SDC3: variants seen among roughly 807,000 people sequenced by gnomAD.
SDC3 encodes syndecan-3.
SDC3 carries 13 observed loss-of-function variants against 24.4 expected under a neutral mutation model. That is an observed-to-expected ratio of 0.53 (90% CI 0.35 to 0.85). SDC3 has a LOEUF of 0.85. Among genes scored for constraint, SDC3 ranks in the 40% least tolerant of loss-of-function variants. The pLI is 0.01. For synonymous variants in SDC3, 295 were observed against 260.9 expected, an observed-to-expected ratio of 1.13 and a Z score of -1.26; for missense variants, 571 against 584.5, an observed-to-expected ratio of 0.98 and a Z score of 0.24.
At chr1:30,883,998 T>C (rs1639783403) in intron 1 of SDC3, among the ~76,000 whole-genome samples, 1 of 152,062 alleles carries the variant, frequency 6.6e-6, no homozygotes, top group South Asian at 2.1e-4. Flanking sequence ...ACCGCAGGAA[T>C]GTGGGCTGGG....
At chr1:30,894,567 T>C (rs1639969900) in intron 1 of SDC3, among the ~76,000 whole-genome samples, 1 of 136,728 alleles carries the variant, frequency 7.3e-6, no homozygotes. Flanking sequence ...GGTGAGAGTG[T>C]GTGGGTGTAT....
At position 30,878,611 on chromosome 1, in the gene SDC3, G is replaced by C. The variant is rs758070733; in HGVS notation, c.256+12C>G. 2.6e-5 allele frequency: 41 copies of C among 1,601,566 alleles called. 1 individual carries two copies. In the South Asian group the frequency reaches 4.0e-4, roughly 15 times the overall value. On this transcript the variant is annotated intron_variant, in intron 2 of 4. Transcript: ENST00000339394. Reference sequence around the variant, plus strand: ...ACTGCCCCCAGGCAGAGGTAGGGAGGGGGGTACTTACAGCCCGAGCCCGAC... The same window carrying C: ...ACTGCCCCCAGGCAGAGGTAGGGAGCGGGGTACTTACAGCCCGAGCCCGAC...
At chr1:30,901,162 AGCCCCTCAAG>A (rs1472867012) in intron 1 of SDC3, among the ~76,000 whole-genome samples, 1 of 152,180 alleles carries the variant, frequency 6.6e-6, no homozygotes, top group Non-Finnish European at 1.5e-5. Flanking sequence ...GAATCCCACC[AGCCCCTCAAG>A]AGTGGTGGGA....
Position 30,872,805 on chromosome 1 carries a change from G to A in SDC3, c.*406C>T, listed in dbSNP as rs1557511656. On this transcript the variant is annotated 3_prime_UTR_variant, in exon 5 of 5. Coordinates refer to ENST00000339394, the MANE Select transcript of SDC3 (RefSeq NM_014654.4). ...TACCAAATGTTTGTCCTGGAAACCA[G>A]CCTGAGTGCCTCTCTGCCCCAAAAA... 2 of 206,454 alleles carry A rather than the reference G, an allele frequency of 9.7e-6. No individual in the cohort carries two copies. The highest frequency in any genetic ancestry group is 4.6e-5 in the African/African-American group (2 of 43,524). 12.8% of individuals were successfully genotyped at this position (206,454 alleles called of 1,614,324 possible).
intron 1 of SDC3, among the ~76,000 whole-genome samples, chr1:30,899,338 G>T (rs1205750738): frequency 6.6e-6 from 1 of 152,142 alleles, no homozygotes; most frequent in Non-Finnish European, 1.5e-5. Context: ...GCTCGCCTCG[G>T]CCTCCCAAAG....
At chr1:30,904,578 G>A (rs1194652325) in intron 1 of SDC3, among the ~76,000 whole-genome samples, 3 of 151,974 alleles carry the variant, frequency 2.0e-5, no homozygotes, top group Non-Finnish European at 4.4e-5. Flanking sequence ...GAGGCATTGT[G>A]CTCACTCCTC....
intron 1 of SDC3, among the ~76,000 whole-genome samples, chr1:30,896,983 G>A (rs985455528): frequency 5.9e-5 from 9 of 152,120 alleles, no homozygotes; most frequent in East Asian, 1.9e-4. Flanking sequence ...AAACAGGAGC[G>A]TGGGAAGGCA....
chr1:30,898,751 C>A (rs1305423122), intron 1 of SDC3, among the ~76,000 whole-genome samples: 2 of 152,196 alleles, frequency 1.3e-5, no homozygotes, highest in Non-Finnish European at 2.9e-5. Context: ...GGCCTCAGGT[C>A]TTTCTGATAG....
At chr1:30,883,736 C>T (rs528427625) in intron 1 of SDC3, among the ~76,000 whole-genome samples, 41 of 152,202 alleles carry the variant, frequency 2.7e-4, no homozygotes, top group African/African-American at 9.9e-4. Flanking sequence ...AACTGAGGCA[C>T]AGAGAGGGGA....
At chr1:30,908,038 G>A (rs897977125) in intron 1 of SDC3, among the ~76,000 whole-genome samples, 6 of 152,170 alleles carry the variant, frequency 3.9e-5, no homozygotes, top group Non-Finnish European at 8.8e-5. Flanking sequence ...TCCTTCTCGC[G>A]CCTCCCAGGC....
At chr1:30,884,864 G>C (rs1466549417) in intron 1 of SDC3, among the ~76,000 whole-genome samples, 1 of 152,150 alleles carries the variant, frequency 6.6e-6, no homozygotes, top group Non-Finnish European at 1.5e-5. Flanking sequence ...GAACGACAGG[G>C]GACGAGTTAA....
In SDC3 at chr1:30,870,365, C is replaced by A. The variant is rs1639513010; in HGVS notation, c.*2846G>T. ...GCTCTGGCAGCCAAGGCCCCAGAGGCTCTCAAGCCACAGAAGCTCCCTCTC... is the reference window on the plus strand; with the variant it reads ...GCTCTGGCAGCCAAGGCCCCAGAGGATCTCAAGCCACAGAAGCTCCCTCTC... On this transcript the variant is annotated 3_prime_UTR_variant, in exon 5 of 5. Coordinates refer to ENST00000339394, the MANE Select transcript of SDC3 (RefSeq NM_014654.4). 6.4e-6 allele frequency: 1 copy of A among 156,668 alleles called. No individual in the cohort carries two copies. The highest frequency in any genetic ancestry group is 2.4e-5 in the African/African-American group (1 of 41,664). 9.7% of individuals were successfully genotyped at this position (156,668 alleles called of 1,614,324 possible).
chr1:30,875,599 C>T (rs997622312), intron 3 of SDC3, among the ~76,000 whole-genome samples: 6 of 152,172 alleles, frequency 3.9e-5, no homozygotes, highest in Non-Finnish European at 1.5e-5. Flanking sequence ...ACTTAGTGCA[C>T]CCAGCTGGGA....
chr1:30,896,853 C>T (rs140388825), intron 1 of SDC3, among the ~76,000 whole-genome samples: 13 of 152,298 alleles, frequency 8.5e-5, no homozygotes, highest in African/African-American at 1.9e-4. Context: ...GTTCCAGCTA[C>T]TCAGGAGGCT....
chr1:30,907,758 C>T (rs970741933), intron 1 of SDC3, among the ~76,000 whole-genome samples: 1 of 152,212 alleles, frequency 6.6e-6, no homozygotes, highest in Non-Finnish European at 1.5e-5. Context: ...CACGCCCACA[C>T]ACGCCCACAC....
At position 30,872,652 on chromosome 1, in the gene SDC3, T is replaced by A. The variant is rs1403200428; in HGVS notation, c.*559A>T. The A allele has an allele frequency of 6.5e-6, 1 of 153,474 alleles. No homozygotes were observed. The highest frequency in any genetic ancestry group is 1.5e-5 in the Non-Finnish European group (1 of 68,948). 9.5% of individuals were successfully genotyped at this position (153,474 alleles called of 1,614,324 possible). A position where few individuals can be genotyped will look rare whatever the true frequency, so the allele number is the denominator to read the frequency against. On this transcript the variant is annotated 3_prime_UTR_variant, in exon 5 of 5. Transcript: ENST00000339394. ...TGTACTTGGCAGGCAAGAGGAGAGATTCAACAACCCCAGAGAGACCAGGAC... is the reference window on the plus strand; with the variant it reads ...TGTACTTGGCAGGCAAGAGGAGAGAATCAACAACCCCAGAGAGACCAGGAC...
At chr1:30,906,810 G>C (rs1283183165) in intron 1 of SDC3, among the ~76,000 whole-genome samples, 1 of 152,220 alleles carries the variant, frequency 6.6e-6, no homozygotes. Context: ...TTGATTTTAA[G>C]GATGGTCTTT....
chr1:30,876,689 T>A lies in SDC3; in HGVS notation c.733A>T (p.Thr245Ser). ...TAAVLDTEAPTPRLVSTATSR... is the reference protein window; with the variant it reads ...TAAVLDTEAPSPRLVSTATSR... ...GTAGCTGTGCTGACCAGCCTGGGTG[T>A]TGGGGCCTCGGTGTCCAAGACAGCC... The change falls in exon 3 of 5, where the codon ACA (threonine) becomes TCA (serine). Residue 245 changes from threonine (T) to serine (S), a missense_variant. By Grantham distance (58) the Thr-to-Ser change is moderately conservative. Transcript: ENST00000339394. 2.5e-6 allele frequency: 4 copies of A among 1,603,164 alleles called. No homozygotes were observed. The East Asian group carries it at 8.9e-5, about 36-fold the overall frequency.
At chr1:30,883,612 T>C (rs1446981697) in intron 1 of SDC3, among the ~76,000 whole-genome samples, 1 of 152,166 alleles carries the variant, frequency 6.6e-6, no homozygotes, top group Admixed American at 6.5e-5. Context: ...CGGAGCCGTA[T>C]AAGGCTTTGT....
Sources: gnomAD v4.1 joint callset for allele counts (sites outside exome capture counted in the v4.1 genomes callset) on GRCh38, gnomAD v4.1.1 for gene constraint, MANE v1.5 for transcripts, NCBI Gene and HGNC (gene_info 2026-07-23, HGNC 2026-07-21) for gene names.